The following LRCH2 variants were observed in gnomAD, a reference collection of about 807,000 sequenced individuals.
The protein encoded by LRCH2 is leucine rich repeats and calponin homology domain containing 2.
Under a neutral mutation model 68.9 loss-of-function variants are expected in LRCH2, and 38 were observed. The ratio of observed to expected loss-of-function variants is 0.55; its 90% CI spans 0.43 to 0.72. LRCH2 has a LOEUF of 0.72. Among genes scored for constraint, LRCH2 ranks in the 30% least tolerant of loss-of-function variants. The pLI is 0.00. For missense variants in LRCH2, 528 were observed against 572.9 expected (o/e 0.92, Z 0.80); for synonymous variants, 191 against 208.1 (o/e 0.92, Z 0.71).
At chrX:115,177,485 C>T (rs1380844773) in intron 5 of LRCH2, among the ~76,000 whole-genome samples, 3 of 111,364 alleles carry the variant, frequency 2.7e-5, no homozygotes, top group African/African-American at 6.5e-5. Context: ...CAAACTGGAG[C>T]GTCTCAACAT....
intron 20 of LRCH2, among the ~76,000 whole-genome samples, chrX:115,117,695 A>C (rs1556524501): frequency 8.9e-6 from 1 of 111,785 alleles, no homozygotes. Context: ...ATAGAAAAAT[A>C]TAATACATAT....
chrX:115,202,920 T>C lies in LRCH2; in HGVS notation c.350-14550A>G, dbSNP rs1397568845. On this transcript the variant is annotated intron_variant, in intron 1 of 20. Transcript: ENST00000317135. ...TCTGGGAAGGGTAAAACTATGGTGG[T>C]AGTAGAAAGATCAATGGTTGCCATA... is the stretch of plus-strand genomic sequence containing the variant. 3.6e-5 allele frequency among the ~76,000 whole-genome samples: 4 copies of C among 111,583 alleles called. No homozygotes were observed. In the East Asian group the frequency reaches 8.4e-4, roughly 24 times the overall value.
Position 115,170,421 on chromosome X carries a change from CT to C in LRCH2, c.875del (p.Lys292ArgfsTer10). ...LQVPPAQICL[K>X]GKVHIFKYLN... ...AGTACTTAAATATGTGCACCTTACCCTTTAAACATATCTGTCAATAAAAAAT... is the reference window on the plus strand; with the variant it reads ...AGTACTTAAATATGTGCACCTTACCCTTAAACATATCTGTCAATAAAAAAT... On this transcript the variant is annotated frameshift_variant, in exon 6 of 21. Coordinates refer to ENST00000317135, the MANE Select transcript of LRCH2 (RefSeq NM_020871.4). LOFTEE classifies it high-confidence loss of function. 8.9e-7 allele frequency: 1 copy of C among 1,121,098 alleles called. No homozygotes were observed. Among genetic ancestry groups the C allele is most frequent in the Non-Finnish European group, 1.2e-6 (1 of 850,785 alleles). 92.4% of individuals were successfully genotyped at this position (1,121,098 alleles called of 1,213,427 possible). A position where few individuals can be genotyped will look rare whatever the true frequency, so the allele number is the denominator to read the frequency against.
At chrX:115,199,405 A>G (rs184230533) in intron 1 of LRCH2, among the ~76,000 whole-genome samples, 41 of 112,617 alleles carry the variant, frequency 3.6e-4, no homozygotes, top group African/African-American at 1.3e-3. Flanking sequence ...GATGCTTACA[A>G]GAAACTCACA....
intron 1 of LRCH2, chrX:115,192,190 C>G: frequency 1.7e-6 from 2 of 1,164,852 alleles, no homozygotes; most frequent in Non-Finnish European, 2.3e-6. Context: ...CGAGGAATAC[C>G]AAGGCCGCTC....
At chrX:115,183,995 A>G (rs1556553550) in intron 3 of LRCH2, among the ~76,000 whole-genome samples, 1 of 112,254 alleles carries the variant, frequency 8.9e-6, no homozygotes, top group Non-Finnish European at 1.9e-5. Context: ...AACAGTGAGG[A>G]AGAGTTATGT....
At position 115,110,756 on chromosome X, in the gene LRCH2, TAA is replaced by T. The variant is rs1569510845; in HGVS notation, c.*2458_*2459del. On this transcript the variant is annotated 3_prime_UTR_variant, in exon 21 of 21. Transcript: ENST00000317135. ...TTCTGATTTATTCAAAAAATTCAGT[TAA>T]AAAAGTCATTAAACTAGCATTCTGT... The T allele has an allele frequency of 8.9e-6, 1 of 112,230 alleles. No homozygotes were observed. The highest frequency in any genetic ancestry group is 3.2e-5 in the African/African-American group (1 of 30,899). The allele number at this position is 112,230 out of a possible 1,213,427, so 9.2% of individuals were successfully genotyped here.
At chrX:115,122,503 C>T in intron 20 of LRCH2, 24 bp downstream of exon 20, 2 of 1,148,064 alleles carry the variant, frequency 1.7e-6, no homozygotes, top group Admixed American at 2.2e-5. Flanking sequence ...TAAGTGATCA[C>T]GTTGTTAGAT....
chrX:115,182,831 CAAAAAAAAAAAAAA>C lies in LRCH2; in HGVS notation c.621+1566_621+1579del, dbSNP rs1164477909. 5.3e-4 allele frequency among the ~76,000 whole-genome samples: 14 copies of C among 26,278 alleles called. No individual in the cohort carries two copies. In the Admixed American group the frequency reaches 6.8e-3, roughly 13 times the overall value. The allele number at this position is 26,278 out of a possible 115,157, so 22.8% of individuals were successfully genotyped here. A position where few individuals can be genotyped will look rare whatever the true frequency, so the allele number is the denominator to read the frequency against. ...CTGGGCGACAGAGTGAACTTCGTCT[CAAAAAAAAAAAAAA>C]AAAAAAAAAGAGTTTGGTAAAATGG... is the stretch of plus-strand genomic sequence containing the variant. On this transcript the variant is annotated intron_variant, in intron 3 of 20. Transcript: ENST00000317135.
At chrX:115,219,115 G>T (rs1569517750) in intron 1 of LRCH2, among the ~76,000 whole-genome samples, 1 of 111,877 alleles carries the variant, frequency 8.9e-6, no homozygotes, top group Non-Finnish European at 1.9e-5. Context: ...GACTCTCCAG[G>T]ACAACTTAAG....
At chrX:115,159,534 G>A (rs1407970721) in intron 11 of LRCH2, among the ~76,000 whole-genome samples, 9 of 109,941 alleles carry the variant, frequency 8.2e-5, no homozygotes, top group African/African-American at 2.6e-4. Context: ...GGCGGATCAC[G>A]ACGTCAGGAG....
intron 1 of LRCH2, among the ~76,000 whole-genome samples, chrX:115,217,620 A>G (rs1309877401): frequency 3.6e-5 from 4 of 111,754 alleles, no homozygotes; most frequent in Non-Finnish European, 5.6e-5. Context: ...TCTTTATCCA[A>G]TCTATCACTG....
At chrX:115,190,820 G>A in intron 1 of LRCH2, 1 of 1,155,263 alleles carries the variant, frequency 8.7e-7, no homozygotes, top group Non-Finnish European at 1.2e-6. Flanking sequence ...GACAGTTCCA[G>A]CTGGAGCGAC....
At chrX:115,156,710 TATTAC>T (rs2147379186) in intron 11 of LRCH2, 43 bp from the exon 12 acceptor site, 1 of 827,394 alleles carries the variant, frequency 1.2e-6, no homozygotes, top group South Asian at 3.3e-5. Context: ...CTATTAAGAA[TATTAC>T]ATCACATGAT....
At chrX:115,203,564 T>C (rs967762305) in intron 1 of LRCH2, among the ~76,000 whole-genome samples, 1 of 112,486 alleles carries the variant, frequency 8.9e-6, no homozygotes, top group Admixed American at 9.4e-5. Flanking sequence ...ATTGTGTAAA[T>C]ACACACGTTC....
intron 1 of LRCH2, chrX:115,189,857 TGTGGCCCTACAG>T: frequency 8.6e-7 from 1 of 1,166,481 alleles, no homozygotes; most frequent in Non-Finnish European, 1.1e-6. Flanking sequence ...TATTTCGACC[TGTGGCCCTACAG>T]GGCCCCGATG....
At chrX:115,157,173 AATG>A (rs1242370570) in intron 11 of LRCH2, among the ~76,000 whole-genome samples, 3 of 111,309 alleles carry the variant, frequency 2.7e-5, no homozygotes, top group African/African-American at 9.8e-5. Flanking sequence ...AAAGAAAGAA[AATG>A]ATGAACCATT....
At chrX:115,155,038 C>CAAA in intron 12 of LRCH2, among the ~76,000 whole-genome samples, 3 of 41,848 alleles carry the variant, frequency 7.2e-5, no homozygotes, top group African/African-American at 2.0e-4. Flanking sequence ...AAGACTCTGT[C>CAAA]AAAAAAAAAA....
chrX:115,205,628 C>T (rs988180199), intron 1 of LRCH2, among the ~76,000 whole-genome samples: 3 of 111,742 alleles, frequency 2.7e-5, no homozygotes, highest in Non-Finnish European at 5.6e-5. Context: ...CCTAAAACTT[C>T]TGAAAAATAA....
Sources: allele counts gnomAD v4.1 joint callset (sites outside exome capture counted in the v4.1 genomes callset), GRCh38; gene constraint gnomAD v4.1.1; transcripts MANE v1.5; gene names NCBI Gene and HGNC (gene_info 2026-07-23, HGNC 2026-07-21).